RANBP2: variants seen among roughly 807,000 people sequenced by gnomAD.
The protein encoded by RANBP2 is E3 SUMO-protein ligase RanBP2.
RANBP2 carries 57 observed loss-of-function variants against 303.6 expected under a neutral mutation model. The observed-to-expected ratio is 0.19, with a 90% CI of 0.15 to 0.23. The LOEUF (loss-of-function observed/expected upper bound fraction) is 0.23, where lower values mean the gene tolerates loss of function less well. Ranked by LOEUF, RANBP2 falls within the 10% of genes least tolerant of loss-of-function variation. The probability of loss-of-function intolerance (pLI) is 1.00; values close to 1 mark genes in which losing one functional copy is unlikely to be tolerated. For missense variants in RANBP2, 3,138 were observed against 3,780.8 expected (o/e 0.83, Z 4.46); for synonymous variants, 1,167 against 1,301.5 (o/e 0.90, Z 2.23).
At chr2:108,929,268 A>G in the RANBP2 span, 1 of 1,614,184 alleles carries the variant, frequency 6.2e-7, no homozygotes, top group East Asian at 2.2e-5. Context: ...GCCCGGAAGA[A>G]GCCCTCACAG....
intron 8 of RANBP2, among the ~76,000 whole-genome samples, chr2:108,748,427 T>C (rs1211607645): frequency 6.6e-6 from 1 of 150,450 alleles, no homozygotes; most frequent in Admixed American, 6.6e-5. Flanking sequence ...TTCACTGTGT[T>C]AGCCAGGATG....
At chr2:108,949,413 G>A in the RANBP2 span, among the ~76,000 whole-genome samples, 3 of 152,132 alleles carry the variant, frequency 2.0e-5, no homozygotes, top group Non-Finnish European at 2.9e-5. Flanking sequence ...TACGGCTTGG[G>A]CATCTTATGC....
chr2:109,680,326 A>G, the RANBP2 span, among the ~76,000 whole-genome samples: 1 of 151,760 alleles, frequency 6.6e-6, no homozygotes, highest in Non-Finnish European at 1.5e-5. Context: ...GCAAGAGATC[A>G]CGCCACTGCA....
the RANBP2 span, among the ~76,000 whole-genome samples, chr2:109,249,509 CATTCTTTCTTTT>C: frequency 1.5e-5 from 1 of 66,358 alleles, no homozygotes; most frequent in South Asian, 5.2e-4. Flanking sequence ...TTCTTTCTTT[CATTCTTTCTTTT>C]TCTTTCTTTC....
At chr2:109,585,051 C>A in the RANBP2 span, 1 of 773,228 alleles carries the variant, frequency 1.3e-6, no homozygotes, top group Non-Finnish European at 2.0e-6. Flanking sequence ...AAAATCAAAT[C>A]ATAGTTCATG....
the RANBP2 span, among the ~76,000 whole-genome samples, chr2:108,813,135 G>C: frequency 6.7e-6 from 1 of 148,538 alleles, no homozygotes; most frequent in Non-Finnish European, 1.5e-5. Context: ...TGTAGTCCCA[G>C]CTACTCGAGA....
chr2:109,386,447 T>G, the RANBP2 span, among the ~76,000 whole-genome samples: 1 of 151,906 alleles, frequency 6.6e-6, no homozygotes, highest in African/African-American at 2.4e-5. Context: ...TGTGGCTGCT[T>G]GTGTGGCAAG....
chr2:109,700,476 G>A, the RANBP2 span, among the ~76,000 whole-genome samples: 3 of 152,218 alleles, frequency 2.0e-5, no homozygotes, highest in South Asian at 4.2e-4. Flanking sequence ...GGAAGGAAGC[G>A]GGGAGGGCGC....
At chr2:109,760,604 C>A in the RANBP2 span, among the ~76,000 whole-genome samples, 32 of 142,246 alleles carry the variant, frequency 2.2e-4, 1 homozygote, top group Admixed American at 1.9e-3. Flanking sequence ...GGGCGGCGGC[C>A]GCTCTGGCGC....
At chr2:109,553,145 T>G in the RANBP2 span, 1 of 1,614,070 alleles carries the variant, frequency 6.2e-7, no homozygotes, top group Non-Finnish European at 8.5e-7. Flanking sequence ...CACAAACATC[T>G]GTTTCATTTC....
chr2:109,564,396 G>A, the RANBP2 span: 1 of 1,587,722 alleles, frequency 6.3e-7, no homozygotes, highest in Non-Finnish European at 8.6e-7. Context: ...GCCCACATCT[G>A]TAAAGCCCAT....
chr2:108,952,369 G>C, the RANBP2 span, among the ~76,000 whole-genome samples: 2 of 152,210 alleles, frequency 1.3e-5, no homozygotes, highest in Non-Finnish European at 2.9e-5. Context: ...AAGTACACAA[G>C]ATAGGAGAGG....
chr2:109,496,953 G>A, the RANBP2 span, among the ~76,000 whole-genome samples: 3 of 152,162 alleles, frequency 2.0e-5, no homozygotes, highest in South Asian at 6.2e-4. Flanking sequence ...CCCCTTTGAA[G>A]ATGGAGGAAG....
chr2:109,656,803 G>A, the RANBP2 span, among the ~76,000 whole-genome samples: 1 of 152,230 alleles, frequency 6.6e-6, no homozygotes, highest in Non-Finnish European at 1.5e-5. Context: ...TAAAACATTA[G>A]TGAATGCAGA....
chr2:109,266,190 T>C, the RANBP2 span, among the ~76,000 whole-genome samples: 2 of 151,138 alleles, frequency 1.3e-5, no homozygotes, highest in Non-Finnish European at 3.0e-5. Context: ...TGCATGTGTG[T>C]GTTGTGTGTT....
At chr2:109,342,662 G>C in the RANBP2 span, among the ~76,000 whole-genome samples, 1 of 152,182 alleles carries the variant, frequency 6.6e-6, no homozygotes, top group South Asian at 2.1e-4. Context: ...CTTACTCAGG[G>C]GTACGGCTTG....
chr2:109,092,051 G>A, the RANBP2 span, among the ~76,000 whole-genome samples: 144,505 of 152,060 alleles, frequency 0.95, 69,071 homozygotes, highest in Non-Finnish European at 1. Flanking sequence ...GATAGTTTGG[G>A]AGGGATAATC....
chr2:109,007,188 A>G, the RANBP2 span, among the ~76,000 whole-genome samples: 10 of 152,368 alleles, frequency 6.6e-5, no homozygotes, highest in Middle Eastern at 3.4e-3. Flanking sequence ...CCCAAGTTCA[A>G]AAGATTGGCA....
the RANBP2 span, among the ~76,000 whole-genome samples, chr2:109,163,390 C>CAT: frequency 1.4e-5 from 1 of 70,268 alleles, no homozygotes; most frequent in Admixed American, 2.3e-4. Flanking sequence ...AGCAAATATT[C>CAT]TTTTTTTTTT....
Sources: gnomAD v4.1 joint callset for allele counts (sites outside exome capture counted in the v4.1 genomes callset) on GRCh38, gnomAD v4.1.1 for gene constraint, MANE v1.5 for transcripts, NCBI Gene and HGNC (gene_info 2026-07-23, HGNC 2026-07-21) for gene names.